Variants in MAGI2 observed in about 807,000 individuals in gnomAD.
MAGI2 encodes the protein membrane associated guanylate kinase, WW and PDZ domain containing 2.
In MAGI2, 35 loss-of-function variants were observed where a neutral mutation model predicts 133.3. The observed-to-expected ratio is 0.26, with a 90% CI of 0.20 to 0.35. MAGI2 has a LOEUF of 0.35. Ranked by LOEUF, MAGI2 falls within the 10% of genes least tolerant of loss-of-function variation. MAGI2 has a pLI of 1.00. For synonymous variants in MAGI2, 729 were observed against 710.6 expected (o/e 1.03, Z -0.41); for missense variants, 1,636 against 1,863.4 (o/e 0.88, Z 2.25).
intron 1 of MAGI2, among the ~76,000 whole-genome samples, chr7:79,133,558 A>G (rs973182947): frequency 3.3e-5 from 5 of 152,156 alleles, no homozygotes; most frequent in Admixed American, 3.3e-4. Context: ...ACTACAGCCT[A>G]GAAACATGTA....
intron 1 of MAGI2, among the ~76,000 whole-genome samples, chr7:79,186,126 G>C (rs1827065624): frequency 6.7e-6 from 1 of 148,292 alleles, no homozygotes; most frequent in Non-Finnish European, 1.5e-5. Flanking sequence ...TAAATGCATA[G>C]GATTACACCA....
chr7:78,892,015 G>A (rs963712994), intron 2 of MAGI2, among the ~76,000 whole-genome samples: 6 of 152,098 alleles, frequency 3.9e-5, no homozygotes, highest in South Asian at 4.2e-4. Flanking sequence ...TAAGCTGATA[G>A]GCAACTTCAG....
chr7:78,073,209 A>G (rs1452083546), intron 21 of MAGI2, among the ~76,000 whole-genome samples: 1 of 152,198 alleles, frequency 6.6e-6, no homozygotes, highest in Non-Finnish European at 1.5e-5. Context: ...AAACAATTTC[A>G]TTTACCAAGT....
intron 2 of MAGI2, among the ~76,000 whole-genome samples, chr7:78,920,328 T>A (rs903177129): frequency 6.6e-6 from 1 of 152,154 alleles, no homozygotes; most frequent in Non-Finnish European, 1.5e-5. Flanking sequence ...TTAAATCAAT[T>A]AACACATATC....
At chr7:78,998,463 T>C (rs1259071777) in intron 2 of MAGI2, among the ~76,000 whole-genome samples, 1 of 152,136 alleles carries the variant, frequency 6.6e-6, no homozygotes, top group Non-Finnish European at 1.5e-5. Flanking sequence ...CAAGGCCCTA[T>C]AATGAGTTAG....
intron 1 of MAGI2, among the ~76,000 whole-genome samples, chr7:79,273,260 G>A (rs1008787182): frequency 2.0e-5 from 3 of 151,848 alleles, no homozygotes; most frequent in Non-Finnish European, 4.4e-5. Flanking sequence ...TTTGAAGGCT[G>A]CAATACCTCT....
intron 2 of MAGI2, among the ~76,000 whole-genome samples, chr7:78,701,940 T>G (rs1302274130): frequency 6.6e-6 from 1 of 152,024 alleles, no homozygotes; most frequent in Non-Finnish European, 1.5e-5. Context: ...GAGAATATGA[T>G]GCATCATATC....
intron 2 of MAGI2, among the ~76,000 whole-genome samples, chr7:78,808,741 G>A (rs933192020): frequency 2.6e-5 from 4 of 152,152 alleles, no homozygotes; most frequent in Non-Finnish European, 4.4e-5. Context: ...ATTCAAATAG[G>A]GTGAACCACA....
At chr7:79,240,034 C>T (rs535484410) in intron 1 of MAGI2, among the ~76,000 whole-genome samples, 1 of 152,206 alleles carries the variant, frequency 6.6e-6, no homozygotes, top group South Asian at 2.1e-4. Flanking sequence ...CTGATATGTC[C>T]CACAGCTTCC....
chr7:78,093,625 A>G (rs550674369), intron 20 of MAGI2, among the ~76,000 whole-genome samples: 1 of 152,338 alleles, frequency 6.6e-6, no homozygotes, highest in South Asian at 2.1e-4. Context: ...CCAGAGTACC[A>G]CTTGCTGCTA....
At chr7:78,261,972 C>A (rs548899174) in intron 9 of MAGI2, among the ~76,000 whole-genome samples, 135 of 152,238 alleles carry the variant, frequency 8.9e-4, no homozygotes, top group Middle Eastern at 6.8e-3. Flanking sequence ...ACAGTTTATT[C>A]CCCAAAGTGA....
At chr7:79,098,293 C>T (rs866061479) in intron 1 of MAGI2, among the ~76,000 whole-genome samples, 36 of 151,992 alleles carry the variant, frequency 2.4e-4, no homozygotes, top group African/African-American at 7.5e-4. Context: ...TAGTGGTAGC[C>T]CTATCAGCCC....
chr7:78,390,440 A>T (rs28752122), intron 6 of MAGI2, among the ~76,000 whole-genome samples: 82,014 of 151,984 alleles, frequency 0.54, 23,068 homozygotes, highest in Middle Eastern at 0.66. Context: ...ATTTATTGAA[A>T]ACTGTGCAGA....
At chr7:78,971,460 G>A (rs1803777889) in intron 2 of MAGI2, among the ~76,000 whole-genome samples, 2 of 151,962 alleles carry the variant, frequency 1.3e-5, no homozygotes, top group African/African-American at 2.4e-5. Flanking sequence ...GTATTGCACA[G>A]TGTAACAAAA....
At chr7:78,439,296 GA>G (rs1787364528) in intron 6 of MAGI2, among the ~76,000 whole-genome samples, 1 of 152,168 alleles carries the variant, frequency 6.6e-6, no homozygotes, top group Non-Finnish European at 1.5e-5. Flanking sequence ...GAGGTCTGTG[GA>G]AACAGAAATG....
At chr7:78,049,102 C>T (rs1008149444) in intron 21 of MAGI2, among the ~76,000 whole-genome samples, 26 of 80,264 alleles carry the variant, frequency 3.2e-4, no homozygotes, top group African/African-American at 9.2e-4. Flanking sequence ...AGTGAGACTC[C>T]ACCTCAAAAA....
At chr7:78,268,165 T>C (rs1307518467) in intron 9 of MAGI2, among the ~76,000 whole-genome samples, 1 of 152,042 alleles carries the variant, frequency 6.6e-6, no homozygotes, top group East Asian at 1.9e-4. Context: ...TTAAACTAAA[T>C]CTAGTATGAG....
intron 9 of MAGI2, among the ~76,000 whole-genome samples, chr7:78,323,670 T>C (rs1788247452): frequency 6.6e-6 from 1 of 152,196 alleles, no homozygotes; most frequent in African/African-American, 2.4e-5. Flanking sequence ...CCATAGAACC[T>C]AGTTTCATTT....
At chr7:78,059,244 C>A (rs1812972282) in intron 21 of MAGI2, among the ~76,000 whole-genome samples, 1 of 152,142 alleles carries the variant, frequency 6.6e-6, no homozygotes, top group South Asian at 2.1e-4. Flanking sequence ...TAGGGAGGAG[C>A]CTCTGTGGGT....
Sources: allele counts gnomAD v4.1 joint callset (sites outside exome capture counted in the v4.1 genomes callset), GRCh38; gene constraint gnomAD v4.1.1; transcripts MANE v1.5; gene names NCBI Gene and HGNC (gene_info 2026-07-23, HGNC 2026-07-21).